DYRK1A: variants seen among roughly 807,000 people sequenced by gnomAD.
DYRK1A encodes the protein dual specificity tyrosine phosphorylation regulated kinase 1A, also known as dual specificity tyrosine-phosphorylation-regulated kinase 1A.
DYRK1A carries 9 observed loss-of-function variants against 79.7 expected under a neutral mutation model. The observed-to-expected ratio is 0.11, with a 90% CI of 0.07 to 0.20. The LOEUF (loss-of-function observed/expected upper bound fraction) is 0.20, where lower values mean the gene tolerates loss of function less well. DYRK1A is among the 10% of genes least tolerant of loss of function. The probability of loss-of-function intolerance (pLI) is 1.00; values close to 1 mark genes in which losing one functional copy is unlikely to be tolerated. For synonymous variants in DYRK1A, 349 were observed against 329.7 expected, an observed-to-expected ratio of 1.06 and a Z score of -0.63; for missense variants, 622 against 956.0, an observed-to-expected ratio of 0.65 and a Z score of 4.61.
intron 2 of DYRK1A, among the ~76,000 whole-genome samples, chr21:37,436,957 G>T (rs551134032): frequency 1.3e-5 from 2 of 152,224 alleles, no homozygotes; most frequent in South Asian, 4.1e-4. Context: ...AGAAATTTTT[G>T]GATTGGGACT....
intron 6 of DYRK1A, chr21:37,488,770 C>T: frequency 1.0e-6 from 1 of 985,356 alleles, no homozygotes; most frequent in Non-Finnish European, 1.2e-6. Flanking sequence ...TTTATAATCA[C>T]ATTAGAATTC....
chr21:37,447,407 TCA>T (rs1302131126), intron 2 of DYRK1A, among the ~76,000 whole-genome samples: 2 of 152,162 alleles, frequency 1.3e-5, no homozygotes, highest in Non-Finnish European at 2.9e-5. Context: ...TCAGAATGCC[TCA>T]CACGAATCTT....
chr21:37,497,787 T>G (rs896926521), intron 9 of DYRK1A, among the ~76,000 whole-genome samples: 3 of 152,182 alleles, frequency 2.0e-5, no homozygotes, highest in Non-Finnish European at 2.9e-5. Context: ...TGGGGGCATT[T>G]CAGAAATGAG....
chr21:37,373,509 A>G (rs1159619541), intron 1 of DYRK1A, among the ~76,000 whole-genome samples: 3 of 152,196 alleles, frequency 2.0e-5, no homozygotes, highest in African/African-American at 7.2e-5. Flanking sequence ...CCTTCATAAA[A>G]CAACAGTATA....
rs1049768 is a variant in DYRK1A at position 37,480,678 on chromosome 21, A to G, written c.341A>G (p.Gln114Arg). The change falls in exon 5 of 12, where the codon CAG (glutamine) becomes CGG (arginine). Residue 114 changes from glutamine to arginine, a missense_variant. Gln to Arg is a conservative substitution (Grantham distance 43). Transcript: ENST00000647188. ...AAGAAGCGAAGACACCAACAGGGCC[A>G]GGGAGACGATTCTAGTCATAAGAAG... Reference protein sequence around the residue: ...AKKKRRHQQGQGDDSSHKKER... With the variant: ...AKKKRRHQQGRGDDSSHKKER... The G allele has an allele frequency of 3.1e-6, 5 of 1,611,270 alleles. No homozygotes were observed. The highest frequency in any genetic ancestry group is 1.1e-5 in the South Asian group (1 of 90,338).
chr21:37,449,779 T>C (rs2051387400), intron 2 of DYRK1A, among the ~76,000 whole-genome samples: 1 of 152,326 alleles, frequency 6.6e-6, no homozygotes, highest in Non-Finnish European at 1.5e-5. Flanking sequence ...CCCATAAATA[T>C]CCTGTTTTTG....
intron 9 of DYRK1A, chr21:37,504,649 A>G (rs1056990365): frequency 1.3e-5 from 2 of 152,254 alleles, no homozygotes; most frequent in African/African-American, 4.8e-5. Flanking sequence ...ATGAGTTTTC[A>G]GGAAATCTCA....
At position 37,523,924 on chromosome 21, in the gene DYRK1A, G is replaced by T. The variant is rs754844586; in HGVS notation, c.*11393G>T. 2 of 152,162 alleles carry T rather than the reference G, an allele frequency of 1.3e-5. No homozygotes were observed. The highest frequency in any genetic ancestry group is 2.9e-5 in the Non-Finnish European group (2 of 68,032). 9.4% of individuals were successfully genotyped at this position (152,162 alleles called of 1,614,324 possible). A position where few individuals can be genotyped will look rare whatever the true frequency, so the allele number is the denominator to read the frequency against. The stretch of plus-strand genomic sequence containing the variant: ...GGCATTCTCATCATTTTGCCCTGCC[G>T]CTCTGTGCAATGTAAATTGCAGTGA... On this transcript the variant is annotated 3_prime_UTR_variant, in exon 12 of 12. Coordinates refer to ENST00000647188, the MANE Select transcript of DYRK1A (RefSeq NM_001347721.2).
intron 1 of DYRK1A, among the ~76,000 whole-genome samples, chr21:37,390,605 GTCAC>G (rs1378536601): frequency 2.0e-5 from 3 of 152,110 alleles, no homozygotes; most frequent in African/African-American, 7.2e-5. Context: ...GTCTCGCTCT[GTCAC>G]TCAGGCTGGA....
intron 1 of DYRK1A, among the ~76,000 whole-genome samples, chr21:37,414,018 G>A (rs2148417772): frequency 6.6e-6 from 1 of 152,186 alleles, no homozygotes; most frequent in East Asian, 1.9e-4. Context: ...GTGGAGTACT[G>A]TGCACCTGGT....
intron 1 of DYRK1A, among the ~76,000 whole-genome samples, chr21:37,374,357 C>T (rs1186233088): frequency 6.7e-6 from 1 of 149,070 alleles, no homozygotes; most frequent in Non-Finnish European, 1.5e-5. Flanking sequence ...GTATGTTCCT[C>T]TTGAATTCCT....
rs567851328 is a variant in DYRK1A at position 37,433,048 on chromosome 21, T to A, written c.10+12664T>A. Reference sequence around the variant, plus strand: ...CTTTCTTTACTAGGAATTCTAAATATATATATATATATATATATGTAATGA... The same window carrying A: ...CTTTCTTTACTAGGAATTCTAAATAAATATATATATATATATATGTAATGA... On this transcript the variant is annotated intron_variant, in intron 2 of 11. Coordinates refer to ENST00000647188, the MANE Select transcript of DYRK1A (RefSeq NM_001347721.2). 1.8e-3 allele frequency among the ~76,000 whole-genome samples: 258 copies of A among 142,712 alleles called. 1 individual carries two copies. Among genetic ancestry groups the A allele is most frequent in the African/African-American group, 5.7e-3 (206 of 36,120 alleles). 93.6% of individuals were successfully genotyped at this position (142,712 alleles called of 152,430 possible).
intron 2 of DYRK1A, among the ~76,000 whole-genome samples, chr21:37,450,244 A>G (rs1048984222): frequency 3.9e-5 from 6 of 152,168 alleles, no homozygotes; most frequent in Non-Finnish European, 7.3e-5. Flanking sequence ...TTTGGTTTTT[A>G]TACTTGGTGG....
At chr21:37,482,380 A>G (rs543522133) in intron 5 of DYRK1A, among the ~76,000 whole-genome samples, 7 of 152,342 alleles carry the variant, frequency 4.6e-5, no homozygotes, top group African/African-American at 1.7e-4. Context: ...TGGGGGAGAC[A>G]TCACATGTCG....
chr21:37,490,796 G>A (rs1183290463), intron 7 of DYRK1A, among the ~76,000 whole-genome samples: 28 of 151,740 alleles, frequency 1.8e-4, no homozygotes, highest in Non-Finnish European at 3.1e-4. Context: ...TTTGAAATGG[G>A]TATATTTAAA....
rs757734901 is a variant in DYRK1A at position 37,506,218 on chromosome 21, C to T, written c.1639C>T (p.Pro547Ser). ...GGCCATGGACTGCGAGACACACAGTCCCCAGGTGAGCTCGCACGTGGTTCA... is the reference window on the plus strand; with the variant it reads ...GGCCATGGACTGCGAGACACACAGTTCCCAGGTGAGCTCGCACGTGGTTCA... ...VQAMDCETHSPQVRQQFPAPL... is the reference protein window; with the variant it reads ...VQAMDCETHSSQVRQQFPAPL... Residue 547 changes from proline (P) to serine (S), a missense_variant, in exon 11 of 12, where the codon CCC (proline) becomes TCC (serine). This residue lies in a region of DYRK1A where 292 missense variants were observed against 316.7 expected (regional missense o/e 0.92). Coordinates refer to ENST00000647188, the MANE Select transcript of DYRK1A (RefSeq NM_001347721.2). 17 of 1,613,944 alleles carry T rather than the reference C, an allele frequency of 1.1e-5. No individual in the cohort carries two copies. Among genetic ancestry groups the T allele is most frequent in the Non-Finnish European group, 1.4e-5 (17 of 1,180,014 alleles).
chr21:37,490,341 G>A lies in DYRK1A; in HGVS notation c.804G>A (p.Ala268=), dbSNP rs138086853. Residue 268 remains alanine, a synonymous_variant, in exon 7 of 12, where the codon GCG becomes GCA. Transcript: ENST00000647188. The part of the protein sequence containing the change: ...QQMCTALLFL[A]TPELSIIHCD... Reference sequence around the variant, plus strand: ...TGTGCACTGCACTGCTTTTCCTTGCGACTCCAGAACTTAGTATCATTCACT... The same window carrying A: ...TGTGCACTGCACTGCTTTTCCTTGCAACTCCAGAACTTAGTATCATTCACT... 3.4e-4 allele frequency: 543 copies of A among 1,613,634 alleles called. 1 individual carries two copies. In the African/African-American group the frequency reaches 4.6e-3, roughly 14 times the overall value.
At chr21:37,477,928 A>T (rs2052457992) in intron 3 of DYRK1A, among the ~76,000 whole-genome samples, 1 of 152,192 alleles carries the variant, frequency 6.6e-6, no homozygotes, top group Non-Finnish European at 1.5e-5. Context: ...AGATTGGCGT[A>T]TGTCTGCATT....
intron 9 of DYRK1A, among the ~76,000 whole-genome samples, chr21:37,499,529 A>G (rs1277509683): frequency 6.6e-6 from 1 of 152,228 alleles, no homozygotes; most frequent in Non-Finnish European, 1.5e-5. Context: ...ACATCTTAAC[A>G]ATATTAAGTC....
Sources: gnomAD v4.1 joint callset for allele counts (sites outside exome capture counted in the v4.1 genomes callset) on GRCh38, gnomAD v4.1.1 for gene constraint, gnomAD v4.1.1 regional missense constraint, MANE v1.5 for transcripts, NCBI Gene and HGNC (gene_info 2026-07-23, HGNC 2026-07-21) for gene names.